PRKN: variants seen among roughly 807,000 people sequenced by gnomAD.
PRKN encodes parkin RBR E3 ubiquitin protein ligase.
Under a neutral mutation model 59.5 loss-of-function variants are expected in PRKN, and 56 were observed. The observed-to-expected ratio is 0.94, with a 90% confidence interval of 0.76 to 1.18. The LOEUF (loss-of-function observed/expected upper bound fraction) is 1.18, where lower values mean the gene tolerates loss of function less well. PRKN is among the 50% of genes most tolerant of loss of function. PRKN has a pLI of 0.00. For missense variants in PRKN, 657 were observed against 596.4 expected, an observed-to-expected ratio of 1.10 and a Z score of -1.06; for synonymous variants, 250 against 222.1, an observed-to-expected ratio of 1.13 and a Z score of -1.12.
intron 1 of PRKN, among the ~76,000 whole-genome samples, chr6:162,473,305 G>A (rs916626362): frequency 6.6e-6 from 1 of 152,116 alleles, no homozygotes; most frequent in Non-Finnish European, 1.5e-5. Flanking sequence ...CTTCTTCACT[G>A]GTATTTTAGG....
At chr6:161,383,957 C>G (rs1423762657) in intron 10 of PRKN, among the ~76,000 whole-genome samples, 3 of 152,138 alleles carry the variant, frequency 2.0e-5, no homozygotes, top group African/African-American at 7.2e-5. Context: ...GCTTTGTTTT[C>G]AAATAAGAGG....
intron 9 of PRKN, among the ~76,000 whole-genome samples, chr6:161,427,458 G>T (rs1583053487): frequency 6.6e-6 from 1 of 152,216 alleles, no homozygotes; most frequent in South Asian, 2.1e-4. Flanking sequence ...AGACACAGCT[G>T]GGATTAGAAC....
At chr6:161,519,149 T>C (rs1778725953) in intron 9 of PRKN, among the ~76,000 whole-genome samples, 2 of 152,060 alleles carry the variant, frequency 1.3e-5, no homozygotes, top group Non-Finnish European at 2.9e-5. Flanking sequence ...GAATGTTTAA[T>C]ACCAAGTAGG....
chr6:161,522,344 C>A (rs6929687), intron 9 of PRKN, among the ~76,000 whole-genome samples: 10,937 of 152,116 alleles, frequency 0.072, 514 homozygotes, highest in African/African-American at 0.13. Context: ...TGAGGACAAG[C>A]GAGGCGATGG....
rs1777764359 is a variant in PRKN at position 162,054,171 on chromosome 6, G to C, written c.538C>G (p.Pro180Ala). The C allele has an allele frequency of 1.2e-6, 2 of 1,607,894 alleles. No individual in the cohort carries two copies. Among genetic ancestry groups the C allele is most frequent in the East Asian group, 4.5e-5 (2 of 44,828 alleles). Residue 180 changes from proline to alanine, a missense_variant, in exon 5 of 12, where the codon CCA becomes GCA. Coordinates refer to ENST00000366898, the MANE Select transcript of PRKN (RefSeq NM_004562.3). ...ATTAAAACATCATCCCAGCAAGATG[G>C]ACCCTTTGGGAAAAAACAACAATAT... ...RQATLTLTQG[P>A]SCWDDVLIPN...
At chr6:162,514,535 T>G (rs1307198036) in intron 1 of PRKN, among the ~76,000 whole-genome samples, 1 of 152,216 alleles carries the variant, frequency 6.6e-6, no homozygotes, top group African/African-American at 2.4e-5. Context: ...CTTGGTGATT[T>G]TAAGAAGCAA....
intron 1 of PRKN, among the ~76,000 whole-genome samples, chr6:162,726,230 G>A (rs1779177229): frequency 6.6e-6 from 1 of 151,996 alleles, no homozygotes; most frequent in Non-Finnish European, 1.5e-5. Flanking sequence ...AAAATTATCT[G>A]TGCACTAGAT....
intron 6 of PRKN, among the ~76,000 whole-genome samples, chr6:161,823,065 G>T (rs937065840): frequency 6.6e-6 from 1 of 151,812 alleles, no homozygotes; most frequent in Non-Finnish European, 1.5e-5. Context: ...TTCCCAAGTA[G>T]CTGGGACGAG....
intron 9 of PRKN, among the ~76,000 whole-genome samples, chr6:161,531,590 C>T (rs1779215144): frequency 6.6e-6 from 1 of 151,996 alleles, no homozygotes; most frequent in Non-Finnish European, 1.5e-5. Context: ...AAAATAGGCT[C>T]AAAGGAGAAG....
At chr6:162,339,828 G>A (rs1393786221) in intron 2 of PRKN, among the ~76,000 whole-genome samples, 1 of 149,162 alleles carries the variant, frequency 6.7e-6, no homozygotes, top group African/African-American at 2.5e-5. Flanking sequence ...CTGTTGATCT[G>A]TGACCTTACC....
At chr6:162,267,746 C>A (rs1384501374) in intron 2 of PRKN, among the ~76,000 whole-genome samples, 1 of 152,036 alleles carries the variant, frequency 6.6e-6, no homozygotes, top group Non-Finnish European at 1.5e-5. Context: ...GTATCTTGGG[C>A]TTTCTGTCTA....
chr6:162,087,084 C>A (rs1778321035), intron 4 of PRKN, among the ~76,000 whole-genome samples: 1 of 152,228 alleles, frequency 6.6e-6, no homozygotes, highest in Non-Finnish European at 1.5e-5. Context: ...TAAGGTCCCC[C>A]AGCTGTCCAG....
At chr6:162,261,995 T>C (rs1779908595) in intron 3 of PRKN, among the ~76,000 whole-genome samples, 1 of 152,196 alleles carries the variant, frequency 6.6e-6, no homozygotes. Context: ...ATTGTGATTA[T>C]TTTGTGTCTT....
chr6:162,510,880 G>A lies in PRKN; in HGVS notation c.8-67407C>T, dbSNP rs6904105. Among the ~76,000 whole-genome samples the A allele has an allele frequency of 4.5e-3, 682 of 152,024 alleles. 3 individuals carry two copies. Among genetic ancestry groups the A allele is most frequent in the Admixed American group, 8.9e-3 (136 of 15,238 alleles). On this transcript the variant is annotated intron_variant, in intron 1 of 11. Transcript: ENST00000366898. ...AGAGGTTGCGGTGAGCCGAGATTGT[G>A]CCACTGCACTCCACCCTGGGCAATA...
chr6:162,007,633 A>G (rs1009917928), intron 5 of PRKN, among the ~76,000 whole-genome samples: 3 of 152,134 alleles, frequency 2.0e-5, no homozygotes, highest in African/African-American at 7.2e-5. Context: ...AATCAACAAA[A>G]TATTAGTAAT....
At chr6:162,246,018 C>A (rs1779178176) in intron 3 of PRKN, among the ~76,000 whole-genome samples, 1 of 152,140 alleles carries the variant, frequency 6.6e-6, no homozygotes, top group Non-Finnish European at 1.5e-5. Flanking sequence ...TGACGCATGA[C>A]TGAAGTTGTA....
At chr6:161,846,977 T>C (rs1793226517) in intron 6 of PRKN, among the ~76,000 whole-genome samples, 1 of 152,096 alleles carries the variant, frequency 6.6e-6, no homozygotes. Flanking sequence ...TTGATTCCAT[T>C]ATTAATCTCA....
Position 161,848,536 on chromosome 6 carries a change from A to G in PRKN, c.735-62628T>C, listed in dbSNP as rs527916335. On this transcript the variant is annotated intron_variant, in intron 6 of 11. Coordinates refer to ENST00000366898, the MANE Select transcript of PRKN (RefSeq NM_004562.3). ...CATCTGATTTCGTTTGATAAAATCA[A>G]CTCCATCTATATGTATGTCTTTTAG... Among the ~76,000 whole-genome samples, 7 of 152,204 alleles carry G rather than the reference A, an allele frequency of 4.6e-5. No individual in the cohort carries two copies. The South Asian group carries it at 1.5e-3, about 32-fold the overall frequency.
At chr6:161,829,184 C>A (rs942503448) in intron 6 of PRKN, among the ~76,000 whole-genome samples, 1 of 152,142 alleles carries the variant, frequency 6.6e-6, no homozygotes. Context: ...CAAGATCACA[C>A]GATTGCACTC....
Sources: gnomAD v4.1 joint callset for allele counts (sites outside exome capture counted in the v4.1 genomes callset) on GRCh38, gnomAD v4.1.1 for gene constraint, MANE v1.5 for transcripts, NCBI Gene and HGNC (gene_info 2026-07-23, HGNC 2026-07-21) for gene names.